Variants in G6PC2 observed in about 807,000 individuals in gnomAD.
G6PC2 encodes glucose-6-phosphatase catalytic subunit 2, also known as glucose-6-phosphatase 2.
Under a neutral mutation model 35.4 loss-of-function variants are expected in G6PC2, and 41 were observed. That is an observed-to-expected ratio of 1.16 (90% CI 0.90 to 1.50). The LOEUF (loss-of-function observed/expected upper bound fraction) is 1.50, where lower values mean the gene tolerates loss of function less well. Ranked by LOEUF, G6PC2 falls within the 40% of genes most tolerant of loss-of-function variation. The pLI, the probability that G6PC2 is intolerant of heterozygous loss-of-function variation, is 0.00. For synonymous variants in G6PC2, 165 were observed against 153.2 expected (o/e 1.08, Z -0.57); for missense variants, 441 against 426.5 (o/e 1.03, Z -0.30).
At chr2:168,907,108 T>G (rs1559165370) in intron 4 of G6PC2, among the ~76,000 whole-genome samples, 2 of 152,226 alleles carry the variant, frequency 1.3e-5, no homozygotes, top group African/African-American at 4.8e-5. Context: ...TTAATGACTC[T>G]GAGCCCTGCA....
intron 1 of G6PC2, 26 bp from the exon 2 acceptor site, chr2:168,902,419 G>A (rs372473159): frequency 4.1e-5 from 35 of 857,658 alleles, no homozygotes; most frequent in Non-Finnish European, 6.9e-5. Flanking sequence ...AAATATATAT[G>A]CATGTTTATA....
rs1357858361 is a variant in G6PC2, at chr2:168,909,012, C to T, written c.*933C>T. On this transcript the variant is annotated 3_prime_UTR_variant, in exon 5 of 5. Coordinates refer to ENST00000375363, the MANE Select transcript of G6PC2 (RefSeq NM_021176.3). The stretch of plus-strand genomic sequence containing the variant: ...TTGAGCCATTGTATTAATAGTTGGC[C>T]TACACTGTCTTTTGTTTCTTCATTT... 6.6e-6 allele frequency: 1 copy of T among 152,114 alleles called. No individual in the cohort carries two copies. Among genetic ancestry groups the T allele is most frequent in the African/African-American group, 2.4e-5 (1 of 41,432 alleles). The allele number at this position is 152,114 out of a possible 1,614,324, so 9.4% of individuals were successfully genotyped here. A position where few individuals can be genotyped will look rare whatever the true frequency, so the allele number is the denominator to read the frequency against.
In G6PC2 at chr2:168,908,111, A is replaced by G. The variant is rs1269190199; in HGVS notation, c.*32A>G. ...GCCTAGAGTTAGTGCTCTGTGTCACAGATCACCCTTCTCCATCCACCAGTA... is the reference window on the plus strand; with the variant it reads ...GCCTAGAGTTAGTGCTCTGTGTCACGGATCACCCTTCTCCATCCACCAGTA... On this transcript the variant is annotated 3_prime_UTR_variant, in exon 5 of 5. Transcript: ENST00000375363. 2 of 1,582,200 alleles carry G rather than the reference A, an allele frequency of 1.3e-6. No individual in the cohort carries two copies. Among genetic ancestry groups the G allele is most frequent in the Non-Finnish European group, 1.7e-6 (2 of 1,152,338 alleles).
Position 168,908,781 on chromosome 2 carries a change from C to T in G6PC2, c.*702C>T, listed in dbSNP as rs1427857936. 6.5e-6 allele frequency: 1 copy of T among 153,172 alleles called. No homozygotes were observed. The highest frequency in any genetic ancestry group is 1.9e-4 in the East Asian group (1 of 5,182). The allele number at this position is 153,172 out of a possible 1,614,324, so 9.5% of individuals were successfully genotyped here. ...GATAGCGGCTCACTGCAGCCTCAAA[C>T]TCCTGGCTCAAATGATCCTCCCTCC... On this transcript the variant is annotated 3_prime_UTR_variant, in exon 5 of 5. Transcript: ENST00000375363.
At position 168,908,345 on chromosome 2, in the gene G6PC2, A is replaced by G; in HGVS notation, c.*266A>G. On this transcript the variant is annotated 3_prime_UTR_variant, in exon 5 of 5. Coordinates refer to ENST00000375363, the MANE Select transcript of G6PC2 (RefSeq NM_021176.3). ...GAAAAATCTGATAGTATGACAACACAGAGCCTGCATCCCCAGCTGGAGACA... is the reference window on the plus strand; with the variant it reads ...GAAAAATCTGATAGTATGACAACACGGAGCCTGCATCCCCAGCTGGAGACA... 1.9e-6 allele frequency: 1 copy of G among 531,820 alleles called. No individual in the cohort carries two copies. Among genetic ancestry groups the G allele is most frequent in the South Asian group, 2.1e-5 (1 of 47,870 alleles). The allele number at this position is 531,820 out of a possible 1,614,324, so 32.9% of individuals were successfully genotyped here.
chr2:168,908,388 A>C lies in G6PC2; in HGVS notation c.*309A>C. On this transcript the variant is annotated 3_prime_UTR_variant, in exon 5 of 5. Coordinates refer to ENST00000375363, the MANE Select transcript of G6PC2 (RefSeq NM_021176.3). ...TGGAGACAACTGACCAGAGCTGCAT[A>C]CTAACAGTCCCCAGTAGGAGGCAAG... 1 of 444,084 alleles carries C rather than the reference A, an allele frequency of 2.3e-6. No homozygotes were observed. The highest frequency in any genetic ancestry group is 4.1e-6 in the Non-Finnish European group (1 of 243,850). The allele number at this position is 444,084 out of a possible 1,614,324, so 27.5% of individuals were successfully genotyped here. A position where few individuals can be genotyped will look rare whatever the true frequency, so the allele number is the denominator to read the frequency against.
At position 168,904,622 on chromosome 2, in the gene G6PC2, CT is replaced by C. The variant is rs1236097861; in HGVS notation, c.440+9del. 1 of 1,460,320 alleles carries C rather than the reference CT, an allele frequency of 6.8e-7. No homozygotes were observed. 90.5% of individuals were successfully genotyped at this position (1,460,320 alleles called of 1,614,324 possible). A position where few individuals can be genotyped will look rare whatever the true frequency, so the allele number is the denominator to read the frequency against. ...TTCTCTATCACTCTGCACAGGTCAGCTTTGCTGCAGTTTCTGTAGCACTGGA... is the reference window on the plus strand; with the variant it reads ...TTCTCTATCACTCTGCACAGGTCAGCTTGCTGCAGTTTCTGTAGCACTGGA... On this transcript the variant is annotated splice_region_variant and intron_variant, in intron 3 of 4. Coordinates refer to ENST00000375363, the MANE Select transcript of G6PC2 (RefSeq NM_021176.3).
At chr2:168,904,734 T>G in intron 3 of G6PC2, 118 bp downstream of exon 3, 1 of 724,590 alleles carries the variant, frequency 1.4e-6, no homozygotes, top group Non-Finnish European at 2.5e-6. Context: ...GCTTATTCTA[T>G]TCTTTCATAG....
intron 4 of G6PC2, among the ~76,000 whole-genome samples, chr2:168,907,241 A>T (rs1394070011): frequency 6.6e-6 from 1 of 152,112 alleles, no homozygotes; most frequent in African/African-American, 2.4e-5. Flanking sequence ...GTTCAGCACC[A>T]CCTTACCTTT....
Position 168,904,539 on chromosome 2 carries a change from T to A in G6PC2, c.363T>A (p.Cys121Ter). Residue 121 changes from cysteine (C) to a stop codon, truncating the protein, a stop_gained, in exon 3 of 5, where the codon TGT (cysteine) becomes TGA (stop). Coordinates refer to ENST00000375363, the MANE Select transcript of G6PC2 (RefSeq NM_021176.3). LOFTEE classifies it high-confidence loss of function. ...CTGGCCATGCAATGGGCGCATCCTG[T>A]GTCTGGTATGTCATGGTAACCGCTG... is the stretch of plus-strand genomic sequence containing the variant. Reference protein sequence around the residue: ...SPSGHAMGASCVWYVMVTAAL... With the variant: ...SPSGHAMGAS The A allele has an allele frequency of 5.0e-6, 8 of 1,612,116 alleles. No homozygotes were observed. Among genetic ancestry groups the A allele is most frequent in the Non-Finnish European group, 6.8e-6 (8 of 1,178,160 alleles).
chr2:168,904,916 T>C (rs914598792), intron 3 of G6PC2, among the ~76,000 whole-genome samples: 2 of 152,242 alleles, frequency 1.3e-5, no homozygotes, highest in Non-Finnish European at 2.9e-5. Flanking sequence ...CATAAATAAG[T>C]CGTCTAAAAT....
At chr2:168,902,616 G>A (rs934359638) in intron 2 of G6PC2, 62 bp downstream of exon 2, 26 of 798,974 alleles carry the variant, frequency 3.3e-5, no homozygotes, top group Non-Finnish European at 6.0e-5. Context: ...ATTACACAGG[G>A]TTATCATCTA....
At chr2:168,907,052 C>CA (rs977743395) in intron 4 of G6PC2, among the ~76,000 whole-genome samples, 1 of 152,142 alleles carries the variant, frequency 6.6e-6, no homozygotes, top group Non-Finnish European at 1.5e-5. Flanking sequence ...GTCTAACTCC[C>CA]AAACCATCAC....
rs145217135 is a variant in G6PC2, at chr2:168,907,700, T to C, written c.689T>C (p.Ile230Thr). 3.3e-5 allele frequency: 53 copies of C among 1,614,132 alleles called. No homozygotes were observed. The highest frequency in any genetic ancestry group is 4.2e-5 in the Non-Finnish European group (49 of 1,179,998). Reference protein sequence around the residue: ...GFYLLLRVLNIDLLWSVPIAK... With the variant: ...GFYLLLRVLNTDLLWSVPIAK... ...TACCTGCTTCTTAGGGTGCTCAACA[T>C]TGACCTGCTGTGGTCCGTGCCCATA... is the stretch of plus-strand genomic sequence containing the variant. Residue 230 changes from isoleucine (I) to threonine (T), a missense_variant, in exon 5 of 5, where the codon ATT (isoleucine) becomes ACT (threonine). Coordinates refer to ENST00000375363, the MANE Select transcript of G6PC2 (RefSeq NM_021176.3).
intron 3 of G6PC2, among the ~76,000 whole-genome samples, chr2:168,906,085 AAAAC>A (rs1297730873): frequency 4.7e-5 from 7 of 147,654 alleles, no homozygotes; most frequent in African/African-American, 9.9e-5. Context: ...CAAAAAAAAA[AAAAC>A]AAACAAAACA....
rs571561541 is a variant in G6PC2, at chr2:168,904,521, T to C, written c.345T>C (p.His115=). Reference sequence around the variant, plus strand: ...TTGTTGCAGGAAGTCCATCTGGCCATGCAATGGGCGCATCCTGTGTCTGGT... The same window carrying C: ...TTGTTGCAGGAAGTCCATCTGGCCACGCAATGGGCGCATCCTGTGTCTGGT... The part of the protein sequence containing the change: ...CETGPGSPSG[H]AMGASCVWYV... The change falls in exon 3 of 5, where the codon CAT becomes CAC. Residue 115 remains histidine, a synonymous_variant. Transcript: ENST00000375363. 4.0e-5 allele frequency: 64 copies of C among 1,604,096 alleles called. No individual in the cohort carries two copies. The South Asian group carries it at 6.7e-4, about 17-fold the overall frequency.
rs2232321 is a variant in G6PC2 at position 168,906,639 on chromosome 2, G to A, written c.441-25G>A. 2.4e-3 allele frequency: 2,767 copies of A among 1,146,472 alleles called. 48 individuals are homozygous for A. The African/African-American group carries it at 0.036, about 15-fold the overall frequency. The allele number at this position is 1,146,472 out of a possible 1,614,324, so 71.0% of individuals were successfully genotyped here. A position where few individuals can be genotyped will look rare whatever the true frequency, so the allele number is the denominator to read the frequency against. ...GTGATCCAGTTTCTTTGCTTTTTAT[G>A]CTTGTATCTATTCTTCCATCGTAGA... On this transcript the variant is annotated intron_variant, in intron 3 of 4. Transcript: ENST00000375363.
rs114518692 is a variant in G6PC2, at chr2:168,903,580, G to T, written c.329-925G>T. 6.9e-3 allele frequency among the ~76,000 whole-genome samples: 1,046 copies of T among 151,944 alleles called. 21 individuals carry two copies. The highest frequency in any genetic ancestry group is 0.024 in the African/African-American group (985 of 41,406). On this transcript the variant is annotated intron_variant, in intron 2 of 4. Transcript: ENST00000375363. ...ATCGTGGTCAATTCCAGTCCTTTCC[G>T]GCATGTGTTCCACCTTATAAGACAT...
rs540914059 is a variant in G6PC2 at position 168,906,287 on chromosome 2, C to T, written c.441-377C>T. On this transcript the variant is annotated intron_variant, in intron 3 of 4. Transcript: ENST00000375363. Reference sequence around the variant, plus strand: ...GAGAGAGGAGGCACATAGGGCAGGGCGTGAAAATATATATGGTTCATTCTT... The same window carrying T: ...GAGAGAGGAGGCACATAGGGCAGGGTGTGAAAATATATATGGTTCATTCTT... Among the ~76,000 whole-genome samples the T allele has an allele frequency of 1.4e-4, 21 of 152,078 alleles. No individual in the cohort carries two copies. The East Asian group carries it at 2.5e-3, about 18-fold the overall frequency.
Sources: gnomAD v4.1 joint callset for allele counts (sites outside exome capture counted in the v4.1 genomes callset) on GRCh38, gnomAD v4.1.1 for gene constraint, MANE v1.5 for transcripts, NCBI Gene and HGNC (gene_info 2026-07-23, HGNC 2026-07-21) for gene names.